CEP44: variants seen among roughly 807,000 people sequenced by gnomAD.
The protein encoded by CEP44 is centrosomal protein of 44 kDa.
In CEP44, 45 loss-of-function variants were observed where a neutral mutation model predicts 46.7. The observed-to-expected ratio is 0.96, with a 90% CI of 0.76 to 1.24. The LOEUF is 1.24. Ranked by LOEUF, CEP44 falls within the 50% of genes most tolerant of loss-of-function variation. The probability of loss-of-function intolerance (pLI) is 0.00; values close to 1 mark genes in which losing one functional copy is unlikely to be tolerated. For missense variants in CEP44, 475 were observed against 459.7 expected (o/e 1.03, Z -0.30); for synonymous variants, 142 against 146.0 (o/e 0.97, Z 0.20).
In CEP44 at chr4:174,308,850, T is replaced by G; in HGVS notation, c.669T>G (p.Ala223=). ...AAGTAAAGGTTCCTGAAATCAAGGC[T>G]GAGCAACAGGTAACAACTTTGGACT... ...MPEVKVPEIK[A]EQQDVNVNPE... is the part of the protein sequence containing the mutation. Residue 223 remains alanine (A), a synonymous_variant, in exon 7 of 12, where the codon GCT becomes GCG. Coordinates refer to ENST00000503780, the MANE Select transcript of CEP44 (RefSeq NM_001040157.3). 1 of 1,612,646 alleles carries G rather than the reference T, an allele frequency of 6.2e-7. No individual in the cohort carries two copies. Among genetic ancestry groups the G allele is most frequent in the East Asian group, 2.2e-5 (1 of 44,820 alleles).
Position 174,310,128 on chromosome 4 carries a change from A to AT in CEP44, c.885+79dup. The AT allele has an allele frequency of 1.5e-5, 20 of 1,364,582 alleles. No individual in the cohort carries two copies. The South Asian group carries it at 2.5e-4, about 17-fold the overall frequency. 84.5% of individuals were successfully genotyped at this position (1,364,582 alleles called of 1,614,324 possible). A position where few individuals can be genotyped will look rare whatever the true frequency, so the allele number is the denominator to read the frequency against. ...GTTTTTTTTTGATTGTTATATGTGT[A>AT]TTTTTTTGGAAATGCTAAATATGAG... is the stretch of plus-strand genomic sequence containing the variant. On this transcript the variant is annotated intron_variant, in intron 8 of 11. Transcript: ENST00000503780. The surrounding 1 kb of genome is among the most constrained non-coding windows in gnomAD (Gnocchi z 4.2).
At chr4:174,306,123 G>A (rs573666978) in intron 6 of CEP44, among the ~76,000 whole-genome samples, 4 of 152,086 alleles carry the variant, frequency 2.6e-5, no homozygotes, top group Admixed American at 2.0e-4. Context: ...GCCTATTTGC[G>A]CTTCTGAGTC....
At chr4:174,298,553 A>G (rs1377630140) in intron 2 of CEP44, among the ~76,000 whole-genome samples, 6 of 152,160 alleles carry the variant, frequency 3.9e-5, no homozygotes, top group African/African-American at 1.2e-4. Flanking sequence ...AATCTGTCAT[A>G]TTTATCCAAG....
At chr4:174,303,257 C>T (rs368629704) in intron 4 of CEP44, among the ~76,000 whole-genome samples, 1 of 149,812 alleles carries the variant, frequency 6.7e-6, no homozygotes, top group African/African-American at 2.5e-5. Flanking sequence ...AACTACTGAT[C>T]TAGTGTGTTT....
At chr4:174,324,550 C>T (rs1742533032), downstream of CEP44, among the ~76,000 whole-genome samples, 1 of 152,184 alleles carries the variant, frequency 6.6e-6, no homozygotes, top group Non-Finnish European at 1.5e-5. Flanking sequence ...CATACCAACA[C>T]TTGATTTTGT....
At chr4:174,316,045 C>G in intron 9 of CEP44, 121 bp from the exon 10 acceptor site, 1 of 1,202,956 alleles carries the variant, frequency 8.3e-7, no homozygotes, top group Non-Finnish European at 1.2e-6. Flanking sequence ...ACTCTTTGAT[C>G]TATGCGGATA....
At chr4:174,298,102 A>C (rs1739265147) in intron 2 of CEP44, 40 bp downstream of exon 2, 1 of 148,198 alleles carries the variant, frequency 6.7e-6, no homozygotes, top group Non-Finnish European at 1.5e-5. Context: ...ATTTTCCAAA[A>C]TTTTGTTGAT....
rs1386418202 is a variant in CEP44, at chr4:174,309,110, T to A, written c.678+251T>A. On this transcript the variant is annotated intron_variant, in intron 7 of 11. Coordinates refer to ENST00000503780, the MANE Select transcript of CEP44 (RefSeq NM_001040157.3). This position sits in a 1 kb window ranked among gnomAD's most constrained non-coding sequence, Gnocchi z 5.3. ...GTAGAATAAGATATGGTACTTGGCT[T>A]TAAGGAATCTACAATTTAGTGAGAC... Among the ~76,000 whole-genome samples, 1 of 152,122 alleles carries A rather than the reference T, an allele frequency of 6.6e-6. No individual in the cohort carries two copies. The highest frequency in any genetic ancestry group is 1.5e-5 in the Non-Finnish European group (1 of 67,984).
rs1737696347 is a variant in CEP44 at position 174,287,474 on chromosome 4, G to A, written c.-148+3531G>A. ...TGCTCTGTATCTCTTCAAGCTTGAA[G>A]AAATGGCATGTGCAAAGGTGTTGAA... On this transcript the variant is annotated intron_variant, in intron 1 of 11. Coordinates refer to ENST00000503780, the MANE Select transcript of CEP44 (RefSeq NM_001040157.3). This position sits in a 1 kb window ranked among gnomAD's most constrained non-coding sequence, Gnocchi z 5.1. Among the ~76,000 whole-genome samples, 1 of 152,158 alleles carries A rather than the reference G, an allele frequency of 6.6e-6. No individual in the cohort carries two copies. Among genetic ancestry groups the A allele is most frequent in the South Asian group, 2.1e-4 (1 of 4,832 alleles).
chr4:174,318,807 G>GTTTTT lies in CEP44; in HGVS notation c.*1434_*1438dup. 3 of 565,284 alleles carry GTTTTT rather than the reference G, an allele frequency of 5.3e-6. No homozygotes were observed. The highest frequency in any genetic ancestry group is 6.6e-6 in the Non-Finnish European group (3 of 455,852). The allele number at this position is 565,284 out of a possible 1,614,324, so 35.0% of individuals were successfully genotyped here. On this transcript the variant is annotated 3_prime_UTR_variant, in exon 12 of 12. Coordinates refer to ENST00000503780, the MANE Select transcript of CEP44 (RefSeq NM_001040157.3). ...AAGAAAACATTTTTAGAATTCCTTT[G>GTTTTT]TTTTTTTTTTTTTTCTTTTTGAAAC...
chr4:174,320,698 G>GTGTA (rs1553987113), downstream of CEP44, among the ~76,000 whole-genome samples: 5 of 90,664 alleles, frequency 5.5e-5, no homozygotes, highest in East Asian at 2.9e-3. Flanking sequence ...GTGTGTGTGT[G>GTGTA]TGTGTATGTG....
chr4:174,321,834 G>A (rs534203352), downstream of CEP44, among the ~76,000 whole-genome samples: 24 of 152,204 alleles, frequency 1.6e-4, no homozygotes, highest in South Asian at 3.9e-3. Flanking sequence ...AGCATCTTAA[G>A]TTTAAGAAAA....
chr4:174,291,764 T>G (rs1738222185), intron 1 of CEP44, among the ~76,000 whole-genome samples: 3 of 150,610 alleles, frequency 2.0e-5, no homozygotes, highest in Admixed American at 2.0e-4. Flanking sequence ...CATGTTTTCT[T>G]TATTCTTTTA....
In CEP44 at chr4:174,310,952, A is replaced by G; in HGVS notation, c.961+94A>G. 6.4e-6 allele frequency: 4 copies of G among 626,354 alleles called. No individual in the cohort carries two copies. The highest frequency in any genetic ancestry group is 1.1e-5 in the Non-Finnish European group (4 of 365,028). The allele number at this position is 626,354 out of a possible 1,614,324, so 38.8% of individuals were successfully genotyped here. On this transcript the variant is annotated intron_variant, in intron 9 of 11. Coordinates refer to ENST00000503780, the MANE Select transcript of CEP44 (RefSeq NM_001040157.3). This position sits in a 1 kb window ranked among gnomAD's most constrained non-coding sequence, Gnocchi z 4.2. Reference sequence around the variant, plus strand: ...AATATTCTTAAGCTTTATTGTTTAGAAATTGCAAAGCTCCTAGAACAAAGA... The same window carrying G: ...AATATTCTTAAGCTTTATTGTTTAGGAATTGCAAAGCTCCTAGAACAAAGA...
In CEP44 at chr4:174,319,508, T is replaced by G; in HGVS notation, c.*2125T>G. The G allele has an allele frequency of 1.1e-6, 1 of 907,104 alleles. No individual in the cohort carries two copies. Among genetic ancestry groups the G allele is most frequent in the Non-Finnish European group, 1.3e-6 (1 of 758,770 alleles). 56.2% of individuals were successfully genotyped at this position (907,104 alleles called of 1,614,324 possible). A position where few individuals can be genotyped will look rare whatever the true frequency, so the allele number is the denominator to read the frequency against. ...TTTCTTATGGAAGATAGAAAAAAAG[T>G]TAAGTCTCTTTCTACCCTTTCTTTT... is the stretch of plus-strand genomic sequence containing the variant. On this transcript the variant is annotated 3_prime_UTR_variant, in exon 12 of 12. Coordinates refer to ENST00000503780, the MANE Select transcript of CEP44 (RefSeq NM_001040157.3).
At chr4:174,321,513 A>G (rs1742314508), downstream of CEP44, among the ~76,000 whole-genome samples, 2 of 152,158 alleles carry the variant, frequency 1.3e-5, no homozygotes, top group Admixed American at 1.3e-4. Flanking sequence ...ATTCTTTACT[A>G]AGCATGCACA....
At chr4:174,316,481 A>T (rs1194299551) in intron 10 of CEP44, 49 bp from the exon 11 acceptor site, 1 of 1,504,486 alleles carries the variant, frequency 6.6e-7, no homozygotes, top group Admixed American at 1.9e-5. Context: ...ATCTTTGATG[A>T]TGGTTTACTT....
intron 1 of CEP44, among the ~76,000 whole-genome samples, chr4:174,295,869 T>G (rs1738942779): frequency 6.6e-6 from 1 of 152,272 alleles, no homozygotes; most frequent in African/African-American, 2.4e-5. Context: ...GGACTTTCCC[T>G]CTATTCCTAG....
intron 9 of CEP44, 41 bp from the exon 10 acceptor site, chr4:174,316,125 T>C: frequency 6.3e-7 from 1 of 1,597,362 alleles, no homozygotes. Flanking sequence ...TTGACTCTTC[T>C]GTGAAAGGAA....
Sources: allele counts gnomAD v4.1 joint callset (sites outside exome capture counted in the v4.1 genomes callset), GRCh38; gene constraint gnomAD v4.1.1; non-coding constraint Gnocchi (gnomAD v3.1); transcripts MANE v1.5; gene names NCBI Gene and HGNC (gene_info 2026-07-23, HGNC 2026-07-21).